Variants in NUP93 observed in about 807,000 individuals in gnomAD.
NUP93 encodes nucleoporin 93, also known as nuclear pore complex protein Nup93.
A neutral mutation model predicts 107.8 loss-of-function variants in NUP93; 55 were observed. The observed-to-expected ratio is 0.51, with a 90% CI of 0.41 to 0.64. NUP93 has a LOEUF of 0.64. Among genes scored for constraint, NUP93 ranks in the 30% least tolerant of loss-of-function variants. The pLI is 0.00. For missense variants in NUP93, 937 were observed against 1,044.7 expected (o/e 0.90, Z 1.42); for synonymous variants, 390 against 397.5 (o/e 0.98, Z 0.22).
chr16:56,795,558 G>A (rs1295300003), intron 3 of NUP93, among the ~76,000 whole-genome samples: 2 of 152,116 alleles, frequency 1.3e-5, no homozygotes, highest in Non-Finnish European at 2.9e-5. Flanking sequence ...TCCTACCCCC[G>A]TTATCAGTAT....
At chr16:56,826,159 G>A (rs141812416) in intron 8 of NUP93, among the ~76,000 whole-genome samples, 11 of 152,176 alleles carry the variant, frequency 7.2e-5, no homozygotes, top group African/African-American at 2.6e-4. Context: ...GACCATAGTG[G>A]GCATCTGTTT....
chr16:56,771,011 C>T (rs1186401227), intron 3 of NUP93, among the ~76,000 whole-genome samples: 3 of 152,112 alleles, frequency 2.0e-5, no homozygotes, highest in Admixed American at 2.0e-4. Context: ...GAAAAGCTTC[C>T]TTATGTGCTA....
intron 11 of NUP93, 135 bp downstream of exon 11, chr16:56,832,142 AT>A (rs147569850): frequency 3.2e-6 from 4 of 1,253,282 alleles, no homozygotes; most frequent in Non-Finnish European, 4.6e-6. Context: ...TCCTGTCCCC[AT>A]TTTTTGTTGT....
At chr16:56,746,525 C>T (rs1204463537) in intron 1 of NUP93, among the ~76,000 whole-genome samples, 5 of 152,244 alleles carry the variant, frequency 3.3e-5, no homozygotes, top group Admixed American at 2.0e-4. Context: ...CTTGGAACTT[C>T]ATAAAGAATA....
chr16:56,777,479 C>A (rs1249447421), intron 3 of NUP93, among the ~76,000 whole-genome samples: 1 of 152,148 alleles, frequency 6.6e-6, no homozygotes, highest in Admixed American at 6.6e-5. Flanking sequence ...TGTTTTAGTG[C>A]TAAATAAGGC....
In NUP93 at chr16:56,781,277, T is replaced by C. The variant is rs868251764; in HGVS notation, c.298-17199T>C. ...CCTGAAATGCAAATAACCTCTGTTC[T>C]TTTCAAAGCTATAATTAATCTGAAT... On this transcript the variant is annotated intron_variant, in intron 3 of 21. Transcript: ENST00000308159. Among the ~76,000 whole-genome samples the C allele has an allele frequency of 2.0e-5, 3 of 152,216 alleles. No individual in the cohort carries two copies. The South Asian group carries it at 6.2e-4, about 31-fold the overall frequency.
At chr16:56,837,775 G>A (rs1963943879) in intron 18 of NUP93, 49 bp downstream of exon 18, 1 of 1,433,708 alleles carries the variant, frequency 7.0e-7, no homozygotes, top group Non-Finnish European at 9.8e-7. Flanking sequence ...CACTGCCAGT[G>A]CCAGGCCACC....
At chr16:56,797,925 G>A (rs552402840) in intron 3 of NUP93, among the ~76,000 whole-genome samples, 5 of 152,224 alleles carry the variant, frequency 3.3e-5, no homozygotes, top group African/African-American at 7.2e-5. Flanking sequence ...TGTATTAAAC[G>A]AGCAGTGGAC....
intron 3 of NUP93, among the ~76,000 whole-genome samples, chr16:56,761,454 C>T (rs780257508): frequency 6.6e-6 from 1 of 152,002 alleles, no homozygotes; most frequent in African/African-American, 2.4e-5. Context: ...ATATACTATT[C>T]GATGGACTTT....
chr16:56,808,660 A>G (rs1430460443), intron 5 of NUP93, among the ~76,000 whole-genome samples: 1 of 135,888 alleles, frequency 7.4e-6, no homozygotes, highest in Non-Finnish European at 1.5e-5. Context: ...AAAAATACAT[A>G]TATTTATAAA....
Position 56,834,410 on chromosome 16 carries a change from T to C in NUP93, c.1705T>C (p.Cys569Arg). 6.2e-7 allele frequency: 1 copy of C among 1,614,246 alleles called. No individual in the cohort carries two copies. The highest frequency in any genetic ancestry group is 8.5e-7 in the Non-Finnish European group (1 of 1,180,038). The change falls in exon 15 of 22, where the codon TGT becomes CGT. Residue 569 changes from cysteine (C) to arginine (R), a missense_variant. Physicochemically the swap from Cys to Arg is radical, Grantham distance 180. Transcript: ENST00000308159. ...TCAAGGAGAAAACATGTTTCTGCGC[T>C]GTGTGAGTGAGCTTGTGATTGAAAG... Reference protein sequence around the residue: ...DSQGENMFLRCVSELVIESRE... With the variant: ...DSQGENMFLRRVSELVIESRE...
At chr16:56,776,588 A>G (rs1268917511) in intron 3 of NUP93, among the ~76,000 whole-genome samples, 16 of 152,250 alleles carry the variant, frequency 1.1e-4, no homozygotes, top group African/African-American at 3.4e-4. Context: ...TTTACAATCA[A>G]CCTGGCAAGA....
rs575392827 is a variant in NUP93 at position 56,769,301 on chromosome 16, T to C, written c.297+10646T>C. On this transcript the variant is annotated intron_variant, in intron 3 of 21. Transcript: ENST00000308159. ...GCCCACAGTGCCGGAGAAAAGTATC[T>C]TTTGAATGGATGTGGTAGGCATAGC... 2.0e-5 allele frequency among the ~76,000 whole-genome samples: 3 copies of C among 152,338 alleles called. No individual in the cohort carries two copies. In the East Asian group the frequency reaches 5.8e-4, roughly 29 times the overall value.
At chr16:56,837,221 T>G (rs547885843) in intron 17 of NUP93, among the ~76,000 whole-genome samples, 71 of 152,184 alleles carry the variant, frequency 4.7e-4, no homozygotes, top group Non-Finnish European at 1.0e-3. Context: ...TTCTATGACC[T>G]AAACAAGATT....
At position 56,849,507 on chromosome 16, in the gene NUP93, G is replaced by C. The variant is rs1401853453; in HGVS notation, c.*4898G>C. ...AGGAAGTGGGGAGTCAGTGATCCCAGAGGGGACTTCAGCATCAGGACATAT... is the reference window on the plus strand; with the variant it reads ...AGGAAGTGGGGAGTCAGTGATCCCACAGGGGACTTCAGCATCAGGACATAT... On this transcript the variant is annotated 3_prime_UTR_variant, in exon 22 of 22. Transcript: ENST00000308159. 6.6e-6 allele frequency: 1 copy of C among 152,228 alleles called. No individual in the cohort carries two copies. Among genetic ancestry groups the C allele is most frequent in the African/African-American group, 2.4e-5 (1 of 41,454 alleles). The allele number at this position is 152,228 out of a possible 1,614,324, so 9.4% of individuals were successfully genotyped here. A position where few individuals can be genotyped will look rare whatever the true frequency, so the allele number is the denominator to read the frequency against.
chr16:56,826,609 A>C (rs1256090311), intron 8 of NUP93, among the ~76,000 whole-genome samples: 2 of 151,974 alleles, frequency 1.3e-5, no homozygotes, highest in Non-Finnish European at 2.9e-5. Context: ...ATACATCCTT[A>C]TTATAGAAAC....
intron 5 of NUP93, among the ~76,000 whole-genome samples, chr16:56,810,252 C>G: frequency 6.6e-6 from 1 of 152,270 alleles, no homozygotes; most frequent in East Asian, 1.9e-4. Flanking sequence ...TGCCCTTTTC[C>G]GGAATCTTAC....
intron 1 of NUP93, among the ~76,000 whole-genome samples, chr16:56,730,755 C>A (rs1961521248): frequency 6.6e-6 from 1 of 152,178 alleles, no homozygotes; most frequent in Non-Finnish European, 1.5e-5. Context: ...GCCCACCCTT[C>A]TCTGTGCTTA....
At chr16:56,746,697 A>G (rs1961826101) in intron 1 of NUP93, among the ~76,000 whole-genome samples, 1 of 152,246 alleles carries the variant, frequency 6.6e-6, no homozygotes, top group Non-Finnish European at 1.5e-5. Context: ...GCTGACATAT[A>G]ATTATTTGCC....
Sources: allele counts gnomAD v4.1 joint callset (sites outside exome capture counted in the v4.1 genomes callset), GRCh38; gene constraint gnomAD v4.1.1; transcripts MANE v1.5; gene names NCBI Gene and HGNC (gene_info 2026-07-23, HGNC 2026-07-21).